Variants in RPH3AL observed in about 807,000 individuals in gnomAD.
RPH3AL encodes the protein rab effector Noc2.
RPH3AL carries 38 observed loss-of-function variants against 43.1 expected under a neutral mutation model. The ratio of observed to expected loss-of-function variants is 0.88; its 90% confidence interval spans 0.68 to 1.15. The LOEUF (loss-of-function observed/expected upper bound fraction) is 1.15, where lower values mean the gene tolerates loss of function less well. Among genes scored for constraint, RPH3AL ranks in the 50% most tolerant of loss-of-function variants. The pLI, the probability that RPH3AL is intolerant of heterozygous loss-of-function variation, is 0.00. For missense variants in RPH3AL, 462 were observed against 423.2 expected (o/e 1.09, Z -0.81); for synonymous variants, 189 against 176.3 (o/e 1.07, Z -0.57).
At chr17:267,944 T>C (rs925751730) in intron 6 of RPH3AL, among the ~76,000 whole-genome samples, 4 of 152,052 alleles carry the variant, frequency 2.6e-5, no homozygotes, top group Non-Finnish European at 5.9e-5. Context: ...TTCCAGTAAA[T>C]ACCTGTGAGC....
At chr17:336,608 C>T (rs560330416) in intron 1 of RPH3AL, among the ~76,000 whole-genome samples, 3 of 152,282 alleles carry the variant, frequency 2.0e-5, no homozygotes, top group South Asian at 2.1e-4. Context: ...CCCCTCTTCA[C>T]GTACAGCCAG....
chr17:340,167 C>T (rs1450268352), intron 1 of RPH3AL, among the ~76,000 whole-genome samples: 2 of 152,022 alleles, frequency 1.3e-5, no homozygotes, highest in Admixed American at 6.5e-5. Context: ...AGCTCAGACC[C>T]GGCCAATCCT....
intron 5 of RPH3AL, among the ~76,000 whole-genome samples, chr17:302,912 C>A (rs1456498369): frequency 1.3e-5 from 2 of 152,210 alleles, no homozygotes; most frequent in Non-Finnish European, 1.5e-5. Context: ...AGGACAAACA[C>A]CCAGACCCCG....
intron 7 of RPH3AL, among the ~76,000 whole-genome samples, chr17:234,807 G>A (rs529813976): frequency 4.3e-4 from 65 of 152,348 alleles, no homozygotes; most frequent in African/African-American, 1.5e-3. Context: ...GAGTGGGCTG[G>A]GGGTGAGGAG....
intron 6 of RPH3AL, among the ~76,000 whole-genome samples, chr17:259,408 C>T (rs1327175888): frequency 6.6e-6 from 1 of 152,184 alleles, no homozygotes; most frequent in African/African-American, 2.4e-5. Context: ...GCTGCCCGCC[C>T]CACTCTGCAA....
At chr17:301,638 T>C (rs1244028620) in intron 5 of RPH3AL, among the ~76,000 whole-genome samples, 1 of 152,022 alleles carries the variant, frequency 6.6e-6, no homozygotes, top group East Asian at 1.9e-4. Context: ...AGGGTCTCGC[T>C]TTATTGCCTG....
chr17:251,424 A>C (rs975607042), intron 6 of RPH3AL, among the ~76,000 whole-genome samples: 3 of 152,222 alleles, frequency 2.0e-5, no homozygotes, highest in Non-Finnish European at 4.4e-5. Flanking sequence ...CTGAGGCTCC[A>C]ACAAGTTCAG....
chr17:324,877 C>A (rs981736434), intron 3 of RPH3AL, among the ~76,000 whole-genome samples: 1 of 152,170 alleles, frequency 6.6e-6, no homozygotes, highest in Non-Finnish European at 1.5e-5. Flanking sequence ...AGGCATGTGC[C>A]ACTACACCCG....
At chr17:244,262 A>ACCTTCCTCTATTGATTAC in intron 7 of RPH3AL, among the ~76,000 whole-genome samples, 2 of 149,572 alleles carry the variant, frequency 1.3e-5, no homozygotes, top group African/African-American at 2.5e-5. Context: ...TCTATTGATT[A>ACCTTCCTCTATTGATTAC]CCTTCCTCTA....
intron 5 of RPH3AL, among the ~76,000 whole-genome samples, chr17:292,153 C>T (rs944332356): frequency 6.6e-6 from 1 of 152,166 alleles, no homozygotes; most frequent in Non-Finnish European, 1.5e-5. Context: ...CTGTGCACCC[C>T]CACAGCGGGT....
chr17:327,451 C>A lies in RPH3AL; in HGVS notation c.77+16G>T. 6.2e-7 allele frequency: 1 copy of A among 1,612,082 alleles called. No homozygotes were observed. The highest frequency in any genetic ancestry group is 8.5e-7 in the Non-Finnish European group (1 of 1,178,422). ...CAGAAGGAAGGGACGGCCTGGGGGG[C>A]CCCAGAGGTACTCACTTGGCTCGAA... is the stretch of plus-strand genomic sequence containing the variant. On this transcript the variant is annotated intron_variant, in intron 3 of 9. Coordinates refer to ENST00000331302, the MANE Select transcript of RPH3AL (RefSeq NM_006987.4).
intron 6 of RPH3AL, among the ~76,000 whole-genome samples, chr17:269,088 C>G (rs1435309635): frequency 1.3e-5 from 2 of 152,126 alleles, no homozygotes; most frequent in African/African-American, 2.4e-5. Context: ...CCGTGTTAGC[C>G]AGGATGGTCT....
intron 6 of RPH3AL, among the ~76,000 whole-genome samples, chr17:249,504 C>G (rs553728205): frequency 1.1e-4 from 16 of 152,174 alleles, no homozygotes; most frequent in African/African-American, 3.9e-4. Flanking sequence ...ACCGCCACCC[C>G]CCTCCTGCCA....
chr17:352,025 G>A (rs560832379), intron 1 of RPH3AL, among the ~76,000 whole-genome samples: 5 of 152,136 alleles, frequency 3.3e-5, no homozygotes, highest in Admixed American at 3.3e-4. Context: ...CTGGCCACGC[G>A]GCCTTCCAAA....
intron 7 of RPH3AL, among the ~76,000 whole-genome samples, chr17:229,440 AG>A (rs893523294): frequency 6.6e-6 from 1 of 152,248 alleles, no homozygotes; most frequent in Admixed American, 6.5e-5. Context: ...GGGGTCAGCA[AG>A]GGGTGGGCCA....
chr17:300,046 G>C lies in RPH3AL; in HGVS notation c.352-18192C>G, dbSNP rs1253450175. ...CTCCCACCCACTCTAGAAGGGGCTG[G>C]CCCAGCCTAGGCCTGCAGAATCTCT... On this transcript the variant is annotated intron_variant, in intron 5 of 9. Coordinates refer to ENST00000331302, the MANE Select transcript of RPH3AL (RefSeq NM_006987.4). 3.2e-3 allele frequency among the ~76,000 whole-genome samples: 216 copies of C among 68,078 alleles called. 1 individual carries two copies. Among genetic ancestry groups the C allele is most frequent in the African/African-American group, 0.012 (209 of 17,208 alleles). 44.7% of individuals were successfully genotyped at this position (68,078 alleles called of 152,430 possible). A position where few individuals can be genotyped will look rare whatever the true frequency, so the allele number is the denominator to read the frequency against.
At chr17:280,070 A>G (rs997447561) in intron 6 of RPH3AL, among the ~76,000 whole-genome samples, 3 of 152,204 alleles carry the variant, frequency 2.0e-5, no homozygotes, top group African/African-American at 7.2e-5. Flanking sequence ...TTTCACAACA[A>G]CAGCAGCAAG....
chr17:226,847 C>A (rs1046973849), intron 7 of RPH3AL, among the ~76,000 whole-genome samples: 3 of 152,252 alleles, frequency 2.0e-5, no homozygotes, highest in African/African-American at 7.2e-5. Flanking sequence ...CTTGCTCTTC[C>A]ATCCTCAACA....
intron 5 of RPH3AL, among the ~76,000 whole-genome samples, chr17:302,893 G>C (rs962060241): frequency 4.6e-5 from 7 of 152,238 alleles, no homozygotes; most frequent in African/African-American, 1.7e-4. Flanking sequence ...AGACAGAGAA[G>C]GTGGGAGAAG....
Sources: allele counts gnomAD v4.1 joint callset (sites outside exome capture counted in the v4.1 genomes callset), GRCh38; gene constraint gnomAD v4.1.1; transcripts MANE v1.5; gene names NCBI Gene and HGNC (gene_info 2026-07-23, HGNC 2026-07-21).